POR: variants seen among roughly 807,000 people sequenced by gnomAD.
The protein encoded by POR is cytochrome p450 oxidoreductase, also known as NADPH--cytochrome P450 reductase.
In POR, 56 loss-of-function variants were observed where a neutral mutation model predicts 84.0. The ratio of observed to expected loss-of-function variants is 0.67; its 90% CI spans 0.54 to 0.83. The LOEUF is 0.83. Ranked by LOEUF, POR falls within the 40% of genes least tolerant of loss-of-function variation. The pLI is 0.00. For missense variants in POR, 938 were observed against 944.3 expected (o/e 0.99, Z 0.09); for synonymous variants, 414 against 400.5 (o/e 1.03, Z -0.40).
At chr7:75,985,374 G>A in intron 12 of POR, 167 bp downstream of exon 12, 1 of 1,153,796 alleles carries the variant, frequency 8.7e-7, no homozygotes. Context: ...AGTCGGGCTG[G>A]CTTGTGAGAT....
At position 75,954,140 on chromosome 7, in the gene POR, A is replaced by G. The variant is rs1347157369; in HGVS notation, c.148A>G (p.Lys50Glu). 6.2e-7 allele frequency: 1 copy of G among 1,612,708 alleles called. No homozygotes were observed. The highest frequency in any genetic ancestry group is 1.3e-5 in the African/African-American group (1 of 74,906). ...AACCTACTGGTTCCTCTTCAGAAAG[A>G]AAAAAGAAGAAGTCCCCGAGTTCAC... Residue 50 changes from lysine to glutamate, a missense_variant, in exon 2 of 16, where the codon AAA becomes GAA. Transcript: ENST00000461988.
At chr7:75,925,155 G>T (rs1200023126) in intron 1 of POR, among the ~76,000 whole-genome samples, 10 of 152,256 alleles carry the variant, frequency 6.6e-5, no homozygotes, top group Admixed American at 3.3e-4. Context: ...AGATGCCAAG[G>T]CAAAGAAGGA....
chr7:75,924,449 A>C (rs1554549223), intron 1 of POR, among the ~76,000 whole-genome samples: 1 of 152,196 alleles, frequency 6.6e-6, no homozygotes, highest in African/African-American at 2.4e-5. Flanking sequence ...TGGGAGGCCG[A>C]GGTGGACGGA....
chr7:75,926,475 C>A (rs1197915779), intron 1 of POR, among the ~76,000 whole-genome samples: 3 of 152,096 alleles, frequency 2.0e-5, no homozygotes, highest in Non-Finnish European at 4.4e-5. Context: ...CTGGGAGATT[C>A]TGTTCATTTA....
intron 2 of POR, 110 bp downstream of exon 2, chr7:75,954,290 T>C: frequency 8.6e-7 from 1 of 1,164,564 alleles, no homozygotes; most frequent in Non-Finnish European, 1.2e-6. Context: ...TTGTAGCATT[T>C]TGGGGTGACT....
chr7:75,937,736 C>T (rs1005382759), intron 1 of POR, among the ~76,000 whole-genome samples: 2 of 151,344 alleles, frequency 1.3e-5, no homozygotes, highest in African/African-American at 2.4e-5. Flanking sequence ...GAGCCGAGAT[C>T]GTGCCATTGC....
chr7:75,960,399 T>C (rs1461282610), intron 2 of POR, among the ~76,000 whole-genome samples: 1 of 152,140 alleles, frequency 6.6e-6, no homozygotes, highest in Non-Finnish European at 1.5e-5. Context: ...CTGGGGCAGC[T>C]CATGCCCTAA....
In POR at chr7:75,985,117, C is replaced by T. The variant is rs1789344403; in HGVS notation, c.1308C>T (p.Asp436=). 1 of 1,599,978 alleles carries T rather than the reference C, an allele frequency of 6.3e-7. No homozygotes were observed. Among genetic ancestry groups the T allele is most frequent in the Non-Finnish European group, 8.5e-7 (1 of 1,179,570 alleles). ...GGCACATCCTGGCCATCCTGCAGGA[C>T]TGCCCGTCCCTGCGGCCCCCCATCG... The change falls in exon 12 of 16, where the codon GAC becomes GAT. Residue 436 remains aspartate (D), a synonymous_variant. Coordinates refer to ENST00000461988, the MANE Select transcript of POR (RefSeq NM_000941.3).
At position 75,977,284 on chromosome 7, in the gene POR, G is replaced by A. The variant is rs146461146; in HGVS notation, c.238-2167G>A. ...GTTACTGGAGGGGCTGAAGGAGCAGGTTGGTCTCTAAGATATCACAGAAGC... is the reference window on the plus strand; with the variant it reads ...GTTACTGGAGGGGCTGAAGGAGCAGATTGGTCTCTAAGATATCACAGAAGC... On this transcript the variant is annotated intron_variant, in intron 3 of 15. Transcript: ENST00000461988. Among the ~76,000 whole-genome samples the A allele has an allele frequency of 6.7e-3, 1,017 of 152,326 alleles. 14 individuals carry two copies. Among genetic ancestry groups the A allele is most frequent in the African/African-American group, 0.021 (883 of 41,566 alleles).
rs1585137311 is a variant in POR, at chr7:75,986,717, A to C, written c.*236A>C. The C allele has an allele frequency of 4.0e-5, 24 of 604,856 alleles. No homozygotes were observed. In the East Asian group the frequency reaches 5.8e-4, roughly 15 times the overall value. 37.5% of individuals were successfully genotyped at this position (604,856 alleles called of 1,614,324 possible). ...GGGGCACCGGGCTCCATGCCTCTGG[A>C]GGCCTCTGGCCCTCGGTGGCTGCAC... On this transcript the variant is annotated 3_prime_UTR_variant, in exon 16 of 16. Coordinates refer to ENST00000461988, the MANE Select transcript of POR (RefSeq NM_000941.3).
At chr7:75,957,641 G>A (rs1183365731) in intron 2 of POR, among the ~76,000 whole-genome samples, 3 of 152,180 alleles carry the variant, frequency 2.0e-5, no homozygotes, top group Admixed American at 6.5e-5. Flanking sequence ...CATAAAACCT[G>A]TAGACTGTGG....
intron 3 of POR, chr7:75,972,684 A>C (rs72553993): frequency 9.3e-5 from 58 of 621,470 alleles, no homozygotes; most frequent in African/African-American, 8.0e-4. Flanking sequence ...TACTTTTTGA[A>C]CAAACCAAAG....
intron 2 of POR, among the ~76,000 whole-genome samples, chr7:75,969,525 G>C (rs1788340033): frequency 6.6e-6 from 1 of 152,204 alleles, no homozygotes. Flanking sequence ...CACCTGGCTG[G>C]CCTGTGTTAC....
chr7:75,933,358 G>A (rs1021766579), intron 1 of POR, among the ~76,000 whole-genome samples: 7 of 117,796 alleles, frequency 5.9e-5, no homozygotes, highest in South Asian at 3.1e-4. Context: ...TAGTCACCAT[G>A]TTATACAATA....
intron 7 of POR, chr7:75,981,841 G>C: frequency 1.7e-6 from 1 of 583,550 alleles, no homozygotes; most frequent in East Asian, 2.8e-5. Flanking sequence ...GTCGGGCTCT[G>C]TGGCTAGGTT....
intron 1 of POR, among the ~76,000 whole-genome samples, chr7:75,944,885 A>G (rs781827414): frequency 6.6e-6 from 1 of 152,150 alleles, no homozygotes; most frequent in Non-Finnish European, 1.5e-5. Context: ...AACAAAACAA[A>G]TGAACAGAGC....
At chr7:75,974,011 A>G (rs1788560348) in intron 3 of POR, among the ~76,000 whole-genome samples, 1 of 152,002 alleles carries the variant, frequency 6.6e-6, no homozygotes, top group Admixed American at 6.6e-5. Flanking sequence ...ACACAAAACA[A>G]CTTGATATGT....
Position 75,976,368 on chromosome 7 carries a change from G to A in POR, c.238-3083G>A, listed in dbSNP as rs143194639. Among the ~76,000 whole-genome samples, 539 of 151,588 alleles carry A rather than the reference G, an allele frequency of 3.6e-3. 5 individuals are homozygous for A. The highest frequency in any genetic ancestry group is 0.012 in the African/African-American group (516 of 41,290). ...TGATGCAGGAGAATCACTTGAACCCGGGAGGCGGAGGTTGCATTGAGCCAA... is the reference window on the plus strand; with the variant it reads ...TGATGCAGGAGAATCACTTGAACCCAGGAGGCGGAGGTTGCATTGAGCCAA... On this transcript the variant is annotated intron_variant, in intron 3 of 15. Transcript: ENST00000461988.
chr7:75,958,183 C>T (rs992020594), intron 2 of POR, among the ~76,000 whole-genome samples: 34 of 152,194 alleles, frequency 2.2e-4, no homozygotes, highest in African/African-American at 8.2e-4. Flanking sequence ...CTGGCACGAT[C>T]TCGGCTCACT....
Sources: allele counts gnomAD v4.1 joint callset (sites outside exome capture counted in the v4.1 genomes callset), GRCh38; gene constraint gnomAD v4.1.1; transcripts MANE v1.5; gene names NCBI Gene and HGNC (gene_info 2026-07-23, HGNC 2026-07-21).